Variants in TCF4 observed in about 807,000 individuals in gnomAD.
TCF4 encodes transcription factor 4.
Under a neutral mutation model 82.1 loss-of-function variants are expected in TCF4, and 3 were observed. That is an observed-to-expected ratio of 0.04 (90% CI 0.02 to 0.09). The LOEUF (loss-of-function observed/expected upper bound fraction) is 0.09, where lower values mean the gene tolerates loss of function less well. Ranked by LOEUF, TCF4 falls within the 10% of genes least tolerant of loss-of-function variation. TCF4 has a pLI of 1.00. For synonymous variants in TCF4, 276 were observed against 309.6 expected (o/e 0.89, Z 1.14); for missense variants, 518 against 852.7 (o/e 0.61, Z 4.89).
At chr18:55,241,486 T>C (rs1343700902) in intron 15 of TCF4, among the ~76,000 whole-genome samples, 1 of 152,244 alleles carries the variant, frequency 6.6e-6, no homozygotes, top group African/African-American at 2.4e-5. Context: ...CTAGCAATTA[T>C]GTGTAAACAG....
chr18:55,546,188 A>G (rs970214941), intron 3 of TCF4, among the ~76,000 whole-genome samples: 1 of 152,066 alleles, frequency 6.6e-6, no homozygotes, highest in African/African-American at 2.4e-5. Flanking sequence ...AAATTTTTTA[A>G]ATCAGCCAGT....
At chr18:55,321,064 T>C (rs1043149652) in intron 8 of TCF4, among the ~76,000 whole-genome samples, 1 of 152,194 alleles carries the variant, frequency 6.6e-6, no homozygotes, top group African/African-American at 2.4e-5. Context: ...ACCCGTTTGT[T>C]TTTCCTTCCC....
intron 6 of TCF4, among the ~76,000 whole-genome samples, chr18:55,378,163 T>G (rs1025092770): frequency 2.0e-5 from 3 of 152,136 alleles, no homozygotes; most frequent in African/African-American, 7.2e-5. Flanking sequence ...TGGACCAAAA[T>G]GAAAAGTTTC....
intron 11 of TCF4, chr18:55,269,405 C>G (rs1051294186): frequency 3.6e-6 from 1 of 274,790 alleles, no homozygotes; most frequent in African/African-American, 2.2e-5. Context: ...AACCAGTCCT[C>G]GGAAGACAGT....
chr18:55,619,674 A>C (rs529649300), intron 2 of TCF4, among the ~76,000 whole-genome samples: 1 of 152,258 alleles, frequency 6.6e-6, no homozygotes, highest in African/African-American at 2.4e-5. Flanking sequence ...CATCTATGTC[A>C]CTTCTGAATC....
chr18:55,268,536 C>A (rs1237057723), intron 11 of TCF4: 1 of 152,154 alleles, frequency 6.6e-6, no homozygotes, highest in Admixed American at 6.6e-5. Context: ...AAAATGGAAA[C>A]TCTCTCCTCA....
At chr18:55,409,687 T>C (rs1015576088) in intron 5 of TCF4, among the ~76,000 whole-genome samples, 1 of 152,192 alleles carries the variant, frequency 6.6e-6, no homozygotes, top group African/African-American at 2.4e-5. Flanking sequence ...ATAAATGATG[T>C]AGGTTCAAAA....
chr18:55,350,824 A>G (rs1488712093), intron 7 of TCF4, 50 bp downstream of exon 7: 1 of 1,610,496 alleles, frequency 6.2e-7, no homozygotes, highest in African/African-American at 1.3e-5. Context: ...AAAGAAAAAA[A>G]GAAAAAGGCA....
chr18:55,446,348 T>A (rs908141405), intron 5 of TCF4, among the ~76,000 whole-genome samples: 1 of 152,190 alleles, frequency 6.6e-6, no homozygotes, highest in Non-Finnish European at 1.5e-5. Context: ...CCCCTTTGTT[T>A]TACTAACCTA....
chr18:55,342,770 G>A (rs577086696), intron 8 of TCF4, among the ~76,000 whole-genome samples: 1 of 152,066 alleles, frequency 6.6e-6, no homozygotes, highest in Non-Finnish European at 1.5e-5. Flanking sequence ...AAGCAAGCCA[G>A]AAAATATTAT....
intron 3 of TCF4, among the ~76,000 whole-genome samples, chr18:55,554,969 TC>T (rs1239857670): frequency 6.6e-6 from 1 of 152,220 alleles, no homozygotes; most frequent in Non-Finnish European, 1.5e-5. Context: ...CTTTCTTTAT[TC>T]AATTCAAAAA....
At chr18:55,568,968 A>T (rs2097434345) in intron 3 of TCF4, among the ~76,000 whole-genome samples, 1 of 152,190 alleles carries the variant, frequency 6.6e-6, no homozygotes, top group South Asian at 2.1e-4. Flanking sequence ...TCACGACATT[A>T]ACAGATTAAA....
intron 2 of TCF4, among the ~76,000 whole-genome samples, chr18:55,601,470 A>G (rs1298678325): frequency 2.6e-5 from 4 of 151,908 alleles, no homozygotes; most frequent in Non-Finnish European, 4.4e-5. Context: ...AACTGAGAAA[A>G]AAAAAAAAAA....
At chr18:55,546,228 A>G (rs573399494) in intron 3 of TCF4, among the ~76,000 whole-genome samples, 4 of 152,054 alleles carry the variant, frequency 2.6e-5, no homozygotes, top group African/African-American at 4.8e-5. Context: ...AGTCCCAGCG[A>G]CTCAGGAGGC....
At chr18:55,519,643 G>C (rs2096916928) in intron 3 of TCF4, among the ~76,000 whole-genome samples, 1 of 152,080 alleles carries the variant, frequency 6.6e-6, no homozygotes, top group South Asian at 2.1e-4. Context: ...CCAGCCATAA[G>C]ACAGAACTGT....
chr18:55,339,494 A>T (rs1179822229), intron 8 of TCF4, among the ~76,000 whole-genome samples: 2 of 152,186 alleles, frequency 1.3e-5, no homozygotes, highest in Non-Finnish European at 2.9e-5. Context: ...CCAGAGAAAA[A>T]TTATCTCTGT....
chr18:55,635,346 T>C, intron 1 of TCF4, among the ~76,000 whole-genome samples: 1 of 151,952 alleles, frequency 6.6e-6, no homozygotes, highest in East Asian at 1.9e-4. Context: ...CTGTCTCTAC[T>C]AAAAATACAG....
intron 6 of TCF4, among the ~76,000 whole-genome samples, chr18:55,374,387 G>C (rs1314986088): frequency 2.0e-5 from 3 of 149,364 alleles, no homozygotes; most frequent in Non-Finnish European, 4.5e-5. Context: ...CCTCTGGCAA[G>C]TGTAAGGAAA....
At chr18:55,470,752 G>A (rs181485927) in intron 3 of TCF4, among the ~76,000 whole-genome samples, 38 of 152,266 alleles carry the variant, frequency 2.5e-4, no homozygotes, top group Admixed American at 6.5e-4. Flanking sequence ...ATGGTATTTT[G>A]CATTGCTCTA....
Sources: allele counts gnomAD v4.1 joint callset (sites outside exome capture counted in the v4.1 genomes callset), GRCh38; gene constraint gnomAD v4.1.1; transcripts MANE v1.5; gene names NCBI Gene and HGNC (gene_info 2026-07-23, HGNC 2026-07-21).